CSMD3: variants seen among roughly 807,000 people sequenced by gnomAD.
The protein encoded by CSMD3 is CUB and Sushi multiple domains 3.
In CSMD3, 177 loss-of-function variants were observed where a neutral mutation model predicts 435.2. That is an observed-to-expected ratio of 0.41 (90% CI 0.36 to 0.46). CSMD3 has a LOEUF of 0.46. Among genes scored for constraint, CSMD3 ranks in the 20% least tolerant of loss-of-function variants. The pLI is 0.34. For synonymous variants in CSMD3, 1,656 were observed against 1,520.5 expected, an observed-to-expected ratio of 1.09 and a Z score of -2.07; for missense variants, 4,265 against 4,504.6, an observed-to-expected ratio of 0.95 and a Z score of 1.52.
At position 112,287,233 on chromosome 8, in the gene CSMD3, C is replaced by T. The variant is rs749956143; in HGVS notation, c.9162G>A (p.Gly3054=). The change falls in exon 58 of 71, where the codon GGG becomes GGA. Residue 3054 remains glycine (G), a synonymous_variant. Transcript: ENST00000297405. ...CGGGAGTACCTGGATCGCCACATGTCCCAGTAGCATCACCTGCAATGCAGT... is the reference window on the plus strand; with the variant it reads ...CGGGAGTACCTGGATCGCCACATGTTCCAGTAGCATCACCTGCAATGCAGT... ...SQPHCSGDAT[G]TCGDPGTPGH... 3 of 1,613,544 alleles carry T rather than the reference C, an allele frequency of 1.9e-6. No homozygotes were observed. The highest frequency in any genetic ancestry group is 4.5e-5 in the East Asian group (2 of 44,866).
chr8:112,558,008 T>C (rs1217734648), intron 24 of CSMD3, among the ~76,000 whole-genome samples: 1 of 151,844 alleles, frequency 6.6e-6, no homozygotes, highest in Non-Finnish European at 1.5e-5. Context: ...AGTGTTAGAA[T>C]TGAATTGAAT....
In CSMD3 at chr8:112,292,671, C is replaced by T. The variant is rs1819882824; in HGVS notation, c.8654G>A (p.Arg2885Lys). ...CGHPGSPIYG[R>K]TSGNGFNFND... ...AAAGTTGAACCCATTTCCACTTGTT[C>T]TTCCATAAATTGGACTACCAGGGTG... Residue 2885 changes from arginine to lysine, a missense_variant, in exon 55 of 71, where the codon AGA (arginine) becomes AAA (lysine). Physicochemically the swap from Arg to Lys is conservative, Grantham distance 26 (BLOSUM62 2). Around this residue, in one of 3 missense-constraint regions of CSMD3, gnomAD observed 3,255 missense variants for 3,380.2 expected, o/e 0.96. Coordinates refer to ENST00000297405, the MANE Select transcript of CSMD3 (RefSeq NM_198123.2). The T allele has an allele frequency of 6.2e-7, 1 of 1,613,774 alleles. No individual in the cohort carries two copies. Among genetic ancestry groups the T allele is most frequent in the African/African-American group, 1.3e-5 (1 of 75,002 alleles).
chr8:113,272,775 G>C (rs1345961212), intron 3 of CSMD3, among the ~76,000 whole-genome samples: 1 of 152,076 alleles, frequency 6.6e-6, no homozygotes, highest in Non-Finnish European at 1.5e-5. Context: ...CACAAATCTG[G>C]AACTATTTTC....
chr8:112,499,153 G>A (rs1821672873), intron 30 of CSMD3, among the ~76,000 whole-genome samples: 2 of 152,032 alleles, frequency 1.3e-5, no homozygotes, highest in African/African-American at 2.4e-5. Context: ...TAGGTAGCAA[G>A]TGGAAGATTT....
intron 3 of CSMD3, among the ~76,000 whole-genome samples, chr8:113,268,264 T>G (rs768892571): frequency 2.6e-5 from 4 of 151,864 alleles, no homozygotes; most frequent in Admixed American, 6.6e-5. Flanking sequence ...ATCTCATCAA[T>G]TGCACCTTGA....
chr8:112,878,752 C>T (rs2130167310), intron 10 of CSMD3, among the ~76,000 whole-genome samples: 1 of 152,214 alleles, frequency 6.6e-6, no homozygotes, highest in Middle Eastern at 3.4e-3. Context: ...AGAATGAGTT[C>T]ATGTCCTTTG....
chr8:113,300,614 A>C (rs951298333), intron 2 of CSMD3, among the ~76,000 whole-genome samples: 1 of 152,086 alleles, frequency 6.6e-6, no homozygotes, highest in Non-Finnish European at 1.5e-5. Flanking sequence ...ACATATTCTC[A>C]CTTGTAAGGA....
At chr8:112,282,078 C>T (rs2130590327) in intron 58 of CSMD3, among the ~76,000 whole-genome samples, 1 of 152,148 alleles carries the variant, frequency 6.6e-6, no homozygotes, top group South Asian at 2.1e-4. Context: ...AAACGTAATA[C>T]TTAATTTTCT....
At chr8:112,529,821 A>G (rs190345941) in intron 27 of CSMD3, among the ~76,000 whole-genome samples, 35 of 152,292 alleles carry the variant, frequency 2.3e-4, no homozygotes, top group Admixed American at 9.8e-4. Context: ...AAGGAATAAG[A>G]TAAATCTCCA....
At position 112,406,639 on chromosome 8, in the gene CSMD3, T is replaced by C. The variant is rs769955555; in HGVS notation, c.5694A>G (p.Ser1898=). 5 of 1,612,788 alleles carry C rather than the reference T, an allele frequency of 3.1e-6. No individual in the cohort carries two copies. The highest frequency in any genetic ancestry group is 1.7e-5 in the Admixed American group (1 of 59,972). ...CTGGATTACAATCAAAAAGAACCGA[T>C]GAACCGACTGCAAATTCATTGCCAA... ...RRIGNEFAVG[S]SVLFDCNPGY... is the part of the protein sequence containing the mutation. The change falls in exon 35 of 71, where the codon TCA becomes TCG. Residue 1898 remains serine (S), a synonymous_variant. Coordinates refer to ENST00000297405, the MANE Select transcript of CSMD3 (RefSeq NM_198123.2).
intron 10 of CSMD3, among the ~76,000 whole-genome samples, chr8:112,885,886 T>TC (rs2081575577): frequency 6.6e-6 from 1 of 151,716 alleles, no homozygotes; most frequent in South Asian, 2.1e-4. Context: ...TTTCACTATG[T>TC]CTGGGCTGTC....
intron 1 of CSMD3, among the ~76,000 whole-genome samples, chr8:113,406,054 C>T (rs1294874076): frequency 6.6e-6 from 1 of 151,750 alleles, no homozygotes; most frequent in Non-Finnish European, 1.5e-5. Context: ...GTGTCAGAAG[C>T]TGTATATGAC....
chr8:113,411,571 G>A (rs1159538682), intron 1 of CSMD3, among the ~76,000 whole-genome samples: 5 of 152,128 alleles, frequency 3.3e-5, no homozygotes, highest in Non-Finnish European at 7.4e-5. Context: ...TGGTTTATAA[G>A]ATTGACTCAG....
intron 31 of CSMD3, among the ~76,000 whole-genome samples, chr8:112,474,745 T>A: frequency 6.6e-6 from 1 of 152,116 alleles, no homozygotes; most frequent in East Asian, 1.9e-4. Context: ...TTGATCAAAG[T>A]TTTAAAATAG....
intron 24 of CSMD3, among the ~76,000 whole-genome samples, chr8:112,558,890 T>C (rs1828365373): frequency 6.6e-6 from 1 of 151,954 alleles, no homozygotes; most frequent in South Asian, 2.1e-4. Context: ...AAGTGAATAC[T>C]CTCATATTTA....
chr8:112,916,466 A>G lies in CSMD3; in HGVS notation c.1633+5161T>C, dbSNP rs73702257. Among the ~76,000 whole-genome samples, 1,347 of 151,958 alleles carry G rather than the reference A, an allele frequency of 8.9e-3. 25 individuals are homozygous for G. Among genetic ancestry groups the G allele is most frequent in the African/African-American group, 0.031 (1,285 of 41,504 alleles). ...AGCTTCACACTATGGCTTTTAGAAA[A>G]AAAAACCACTAAGAAATATGAATGT... On this transcript the variant is annotated intron_variant, in intron 10 of 70. Transcript: ENST00000297405.
intron 13 of CSMD3, among the ~76,000 whole-genome samples, chr8:112,737,930 C>T (rs2077221383): frequency 1.3e-5 from 2 of 151,904 alleles, no homozygotes; most frequent in Admixed American, 6.6e-5. Context: ...CTTAGTGTCC[C>T]AAGTAGATTA....
Position 112,876,765 on chromosome 8 carries a change from A to C in CSMD3, c.1634-17499T>G, listed in dbSNP as rs375656711. Among the ~76,000 whole-genome samples the C allele has an allele frequency of 1.6e-4, 25 of 152,286 alleles. No individual in the cohort carries two copies. In the East Asian group the frequency reaches 3.7e-3, roughly 22 times the overall value. ...ATTGGAAGTTCTGGCCAGGGAAATC[A>C]GGCAAGAGAAACAAATAAAGAGTAT... On this transcript the variant is annotated intron_variant, in intron 10 of 70. Coordinates refer to ENST00000297405, the MANE Select transcript of CSMD3 (RefSeq NM_198123.2).
At chr8:113,312,377 TAG>T (rs537105107) in intron 2 of CSMD3, 24 of 152,234 alleles carry the variant, frequency 1.6e-4, no homozygotes, top group African/African-American at 5.3e-4. Context: ...TGTTAAGGGT[TAG>T]AGTCACTGAG....
Sources: gnomAD v4.1 joint callset for allele counts (sites outside exome capture counted in the v4.1 genomes callset) on GRCh38, gnomAD v4.1.1 for gene constraint, gnomAD v4.1.1 regional missense constraint, MANE v1.5 for transcripts, NCBI Gene and HGNC (gene_info 2026-07-23, HGNC 2026-07-21) for gene names.